Variants in CA5A observed in about 807,000 individuals in gnomAD.
CA5A encodes the protein carbonic anhydrase 5A, also known as carbonic anhydrase 5A, mitochondrial.
CA5A carries 28 observed loss-of-function variants against 37.1 expected under a neutral mutation model. That is an observed-to-expected ratio of 0.75 (90% CI 0.56 to 1.03). The LOEUF (loss-of-function observed/expected upper bound fraction) is 1.03, where lower values mean the gene tolerates loss of function less well. Ranked by LOEUF, CA5A falls within the 50% of genes least tolerant of loss-of-function variation. CA5A has a pLI of 0.00. For synonymous variants in CA5A, 171 were observed against 158.4 expected (o/e 1.08, Z -0.60); for missense variants, 444 against 399.9 (o/e 1.11, Z -0.94).
chr16:87,932,557 T>G (rs4569291), intron 1 of CA5A, among the ~76,000 whole-genome samples: 23,713 of 152,170 alleles, frequency 0.16, 2,128 homozygotes, highest in South Asian at 0.24. Context: ...CAACGTAGGT[T>G]CTGTGCTAAT....
At chr16:87,889,771 C>CA (rs913477279) in intron 6 of CA5A, among the ~76,000 whole-genome samples, 12 of 148,960 alleles carry the variant, frequency 8.1e-5, no homozygotes, top group African/African-American at 9.9e-5. Flanking sequence ...AACTCCATCT[C>CA]AAAAAAAAAT....
intron 2 of CA5A, among the ~76,000 whole-genome samples, chr16:87,917,104 C>CAA (rs762381468): frequency 0.061 from 3,980 of 65,726 alleles, 224 homozygotes; most frequent in African/African-American, 0.15. Context: ...GAGTCTGTCT[C>CAA]AAAAAAAAAA....
chr16:87,889,247 G>T (rs1265961134), intron 6 of CA5A, among the ~76,000 whole-genome samples: 2 of 151,888 alleles, frequency 1.3e-5, no homozygotes, highest in Admixed American at 1.3e-4. Flanking sequence ...TAGAGACAGG[G>T]TTTCACCATG....
At chr16:87,922,134 G>A (rs1165938932) in intron 2 of CA5A, among the ~76,000 whole-genome samples, 1 of 152,096 alleles carries the variant, frequency 6.6e-6, no homozygotes, top group South Asian at 2.1e-4. Flanking sequence ...GGGCCGACAG[G>A]AGTCTGTGCT....
intron 5 of CA5A, among the ~76,000 whole-genome samples, chr16:87,899,346 G>T (rs1234526554): frequency 7.9e-6 from 1 of 126,268 alleles, no homozygotes; most frequent in African/African-American, 3.1e-5. Flanking sequence ...TGTGTCACTC[G>T]GCCTGGAGTG....
Position 87,928,655 on chromosome 16 carries a change from T to C in CA5A, c.143-1710A>G, listed in dbSNP as rs181138408. ...GACACAATTTTTAAAATCCATTATTTGGTGATGATATTTAGGTTATTTCCA... is the reference window on the plus strand; with the variant it reads ...GACACAATTTTTAAAATCCATTATTCGGTGATGATATTTAGGTTATTTCCA... On this transcript the variant is annotated intron_variant, in intron 1 of 6. Transcript: ENST00000649794. Among the ~76,000 whole-genome samples, 785 of 152,210 alleles carry C rather than the reference T, an allele frequency of 5.2e-3. 4 individuals carry two copies. The highest frequency in any genetic ancestry group is 0.017 in the African/African-American group (706 of 41,538).
chr16:87,892,551 ATAAT>A (rs1567515050), intron 5 of CA5A, among the ~76,000 whole-genome samples: 1 of 134,818 alleles, frequency 7.4e-6, no homozygotes, highest in East Asian at 2.0e-4. Flanking sequence ...AATAATAATA[ATAAT>A]AAATTAATTA....
intron 4 of CA5A, chr16:87,882,189 C>G (rs561183363): frequency 6.6e-6 from 1 of 152,414 alleles, no homozygotes; most frequent in African/African-American, 2.4e-5. Flanking sequence ...CACCCCTTCC[C>G]CAGCAGAGGA....
At chr16:87,929,232 A>C (rs2056362133) in intron 1 of CA5A, among the ~76,000 whole-genome samples, 1 of 150,978 alleles carries the variant, frequency 6.6e-6, no homozygotes. Context: ...TGGGTGGATC[A>C]CCTGAGGTCA....
chr16:87,895,913 G>A (rs1386181028), intron 5 of CA5A, among the ~76,000 whole-genome samples: 1 of 152,170 alleles, frequency 6.6e-6, no homozygotes, highest in Non-Finnish European at 1.5e-5. Context: ...GCACGCTCTA[G>A]CTGGGCTGTG....
intron 5 of CA5A, among the ~76,000 whole-genome samples, chr16:87,898,776 C>T (rs986253870): frequency 6.7e-6 from 1 of 150,096 alleles, no homozygotes; most frequent in Non-Finnish European, 1.5e-5. Flanking sequence ...GAGCTGTCAC[C>T]CAGACTGGAG....
chr16:87,891,058 T>A (rs2055705888), intron 6 of CA5A, among the ~76,000 whole-genome samples: 6 of 151,300 alleles, frequency 4.0e-5, no homozygotes, highest in African/African-American at 1.5e-4. Context: ...CCTCTTTAAG[T>A]CCTAAAATTA....
downstream of CA5A, chr16:87,886,185 T>C (rs1047699924): frequency 6.6e-6 from 1 of 150,400 alleles, no homozygotes; most frequent in Non-Finnish European, 1.5e-5. Context: ...GTTTCGCTCT[T>C]GTTTCCCAGG....
chr16:87,923,780 C>T, intron 2 of CA5A: 2 of 985,196 alleles, frequency 2.0e-6, no homozygotes, highest in Non-Finnish European at 1.2e-6. Context: ...CAGTGAGACC[C>T]ACAGCCACAT....
chr16:87,906,016 C>T (rs553472199), intron 2 of CA5A, among the ~76,000 whole-genome samples: 3 of 152,328 alleles, frequency 2.0e-5, no homozygotes, highest in African/African-American at 4.8e-5. Context: ...CCCAGGGGTT[C>T]GGATGTGGGT....
In CA5A at chr16:87,902,503, C is replaced by A. The variant is rs1445077275; in HGVS notation, c.477G>T (p.Trp159Cys). 10 of 1,588,386 alleles carry A rather than the reference C, an allele frequency of 6.3e-6. No individual in the cohort carries two copies. Among genetic ancestry groups the A allele is most frequent in the Non-Finnish European group, 8.6e-6 (10 of 1,156,694 alleles). ...AYPAELHLVH[W>C]NSVKYQNYKE... Reference sequence around the variant, plus strand: ...TGTAATTTTGGTATTTCACAGAATTCCAGTGAACTAAATGCAGCTGAAACA... The same window carrying A: ...TGTAATTTTGGTATTTCACAGAATTACAGTGAACTAAATGCAGCTGAAACA... The change falls in exon 4 of 7, where the codon TGG becomes TGT. Residue 159 changes from tryptophan (W) to cysteine (C), a missense_variant. Coordinates refer to ENST00000649794, the MANE Select transcript of CA5A (RefSeq NM_001739.2).
intron 2 of CA5A, among the ~76,000 whole-genome samples, chr16:87,920,790 T>C (rs1489892797): frequency 1.3e-5 from 2 of 152,086 alleles, no homozygotes; most frequent in Admixed American, 1.3e-4. Flanking sequence ...AGCTAATTTT[T>C]GTATTTTTAC....
chr16:87,931,709 G>T (rs915559322), intron 1 of CA5A, among the ~76,000 whole-genome samples: 1 of 152,140 alleles, frequency 6.6e-6, no homozygotes, highest in Non-Finnish European at 1.5e-5. Flanking sequence ...ACAACCCTGC[G>T]GTCACACACA....
chr16:87,924,185 A>C, intron 2 of CA5A: 1 of 985,426 alleles, frequency 1.0e-6, no homozygotes, highest in Non-Finnish European at 1.2e-6. Flanking sequence ...CCTTCCAAGA[A>C]GTTGCACTTT....
Sources: allele counts gnomAD v4.1 joint callset (sites outside exome capture counted in the v4.1 genomes callset), GRCh38; gene constraint gnomAD v4.1.1; transcripts MANE v1.5; gene names NCBI Gene and HGNC (gene_info 2026-07-23, HGNC 2026-07-21).